TP73: variants seen among roughly 807,000 people sequenced by gnomAD.
The protein encoded by TP73 is tumor protein p73, also known as p53-like transcription factor.
In TP73, 25 loss-of-function variants were observed where a neutral mutation model predicts 62.5. That is an observed-to-expected ratio of 0.40 (90% CI 0.29 to 0.56). TP73 has a LOEUF of 0.56. Among genes scored for constraint, TP73 ranks in the 20% least tolerant of loss-of-function variants. The probability of loss-of-function intolerance (pLI) is 0.46; values close to 1 mark genes in which losing one functional copy is unlikely to be tolerated. For synonymous variants in TP73, 423 were observed against 377.5 expected (o/e 1.12, Z -1.40); for missense variants, 754 against 913.3 (o/e 0.83, Z 2.25).
At chr1:3,697,938 C>A in intron 3 of TP73, 1 of 242,782 alleles carries the variant, frequency 4.1e-6, no homozygotes, top group Non-Finnish European at 6.6e-6. Context: ...TCACCGAGGG[C>A]CATCGGAGGT....
At chr1:3,702,640 C>T (rs1449511313) in intron 3 of TP73, among the ~76,000 whole-genome samples, 2 of 152,202 alleles carry the variant, frequency 1.3e-5, no homozygotes, top group Non-Finnish European at 2.9e-5. Context: ...GGCCCTGGGG[C>T]CCCAGCAGGG....
chr1:3,734,013 C>A lies in TP73; in HGVS notation c.*934C>A. The A allele has an allele frequency of 6.6e-6, 1 of 150,632 alleles. No individual in the cohort carries two copies. The highest frequency in any genetic ancestry group is 6.6e-5 in the Admixed American group (1 of 15,090). 9.3% of individuals were successfully genotyped at this position (150,632 alleles called of 1,614,324 possible). A position where few individuals can be genotyped will look rare whatever the true frequency, so the allele number is the denominator to read the frequency against. ...CAGGCTGAGGAAGCTGAGTGAGAAG[C>A]CAGGTGGGCGGGACTTGTTCCCAGG... On this transcript the variant is annotated 3_prime_UTR_variant, in exon 14 of 14. Coordinates refer to ENST00000378295, the MANE Select transcript of TP73 (RefSeq NM_005427.4). The surrounding 1 kb of genome is among the most constrained non-coding windows in gnomAD (Gnocchi z 4.4).
chr1:3,731,422 C>A (rs202211619), intron 12 of TP73, 41 bp from the exon 13 acceptor site: 1 of 1,584,798 alleles, frequency 6.3e-7, no homozygotes, highest in Admixed American at 1.7e-5. Context: ...GCCCTGTGCT[C>A]GGAAGCTAAT....
intron 1 of TP73, among the ~76,000 whole-genome samples, chr1:3,671,662 C>G (rs1336950392): frequency 2.0e-5 from 3 of 152,246 alleles, no homozygotes; most frequent in African/African-American, 7.2e-5. Flanking sequence ...TGCTCGCCCT[C>G]TCGGGGCCTC....
At chr1:3,709,490 C>G (rs1175583061) in intron 4 of TP73, among the ~76,000 whole-genome samples, 2 of 152,248 alleles carry the variant, frequency 1.3e-5, no homozygotes. Flanking sequence ...CATGCGTTGT[C>G]TTAATTGTGG....
intron 13 of TP73, among the ~76,000 whole-genome samples, 191 bp from the exon 14 acceptor site, chr1:3,732,556 A>G (rs1394870569): frequency 2.0e-5 from 3 of 150,252 alleles, no homozygotes; most frequent in East Asian, 3.9e-4. Context: ...TAACACTCCC[A>G]GGTCAGGGCC....
chr1:3,682,238 C>A, intron 1 of TP73, 95 bp from the exon 2 acceptor site: 1 of 919,760 alleles, frequency 1.1e-6, no homozygotes, highest in Non-Finnish European at 1.5e-6. Flanking sequence ...ATGCCCCAGG[C>A]AGGCCCACTT....
At chr1:3,685,361 G>C (rs1029066896) in intron 3 of TP73, among the ~76,000 whole-genome samples, 1 of 152,174 alleles carries the variant, frequency 6.6e-6, no homozygotes, top group Non-Finnish European at 1.5e-5. Context: ...TGGGAGCCTC[G>C]AACCTCCGCA....
At chr1:3,658,914 C>T (rs1402996261) in intron 1 of TP73, 3 of 147,400 alleles carry the variant, frequency 2.0e-5, no homozygotes, top group East Asian at 2.0e-4. Context: ...TTTGGGGTGG[C>T]GTATTCTGGT....
At chr1:3,709,414 A>C (rs1639948847) in intron 4 of TP73, among the ~76,000 whole-genome samples, 3 of 152,166 alleles carry the variant, frequency 2.0e-5, no homozygotes, top group Non-Finnish European at 2.9e-5. Context: ...TGCACGATGG[A>C]GATAAGGATG....
intron 3 of TP73, among the ~76,000 whole-genome samples, chr1:3,706,678 G>C (rs1374987357): frequency 6.6e-6 from 1 of 152,078 alleles, no homozygotes; most frequent in African/African-American, 2.4e-5. Context: ...CTGAGACATC[G>C]AGGCCAGACC....
In TP73 at chr1:3,723,585, T is replaced by C. The variant is rs1641276000; in HGVS notation, c.732+116T>C. On this transcript the variant is annotated intron_variant, in intron 6 of 13. Coordinates refer to ENST00000378295, the MANE Select transcript of TP73 (RefSeq NM_005427.4). ...AGTTGGCTGATCTGCCTGCCTGTCC[T>C]GTCGGCATCTGTCCAGGGCTCCCTG... 7.2e-6 allele frequency: 5 copies of C among 692,944 alleles called. 1 individual carries two copies. Among genetic ancestry groups the C allele is most frequent in the Non-Finnish European group, 1.2e-5 (5 of 401,128 alleles). The allele number at this position is 692,944 out of a possible 1,614,324, so 42.9% of individuals were successfully genotyped here.
At chr1:3,654,105 G>A (rs557607526) in intron 1 of TP73, among the ~76,000 whole-genome samples, 7 of 152,296 alleles carry the variant, frequency 4.6e-5, no homozygotes, top group African/African-American at 1.7e-4. Flanking sequence ...ACCTGGGATG[G>A]AGAGGTTGCA....
chr1:3,702,585 G>A (rs1019405918), intron 3 of TP73, among the ~76,000 whole-genome samples: 53 of 152,314 alleles, frequency 3.5e-4, no homozygotes, highest in African/African-American at 1.3e-3. Context: ...GGGTGCGTGG[G>A]GGCTGCAGTA....
At chr1:3,714,357 G>C (rs1373801032) in intron 4 of TP73, 1 of 152,228 alleles carries the variant, frequency 6.6e-6, no homozygotes, top group Non-Finnish European at 1.5e-5. Context: ...ACTGACCCTG[G>C]GGCACCCTTC....
chr1:3,693,716 TCC>T (rs1638299586), intron 3 of TP73, among the ~76,000 whole-genome samples: 1 of 145,378 alleles, frequency 6.9e-6, no homozygotes, highest in African/African-American at 2.6e-5. Flanking sequence ...CCTTAGCCCC[TCC>T]TCCTGCAATC....
In TP73 at chr1:3,663,774, C is replaced by A. The variant is rs1013535580; in HGVS notation, c.-34+11133C>A. On this transcript the variant is annotated intron_variant, in intron 1 of 13. Coordinates refer to ENST00000378295, the MANE Select transcript of TP73 (RefSeq NM_005427.4). This position sits in a 1 kb window ranked among gnomAD's most constrained non-coding sequence, Gnocchi z 4.7. ...TGGGGCCAGGTCTGAAGGCTCTGATCTTCCTTTCTTCTGGGTCTAGGGCAC... is the reference window on the plus strand; with the variant it reads ...TGGGGCCAGGTCTGAAGGCTCTGATATTCCTTTCTTCTGGGTCTAGGGCAC... Among the ~76,000 whole-genome samples the A allele has an allele frequency of 6.6e-6, 1 of 152,058 alleles. No homozygotes were observed. The highest frequency in any genetic ancestry group is 2.4e-5 in the African/African-American group (1 of 41,406).
chr1:3,664,641 C>T (rs1462993308), intron 1 of TP73, among the ~76,000 whole-genome samples: 13 of 152,226 alleles, frequency 8.5e-5, no homozygotes, highest in African/African-American at 2.4e-4. Flanking sequence ...GGTGCCCACC[C>T]GCCAGACTGG....
At position 3,707,597 on chromosome 1, in the gene TP73, G is replaced by A. The variant is rs781452147; in HGVS notation, c.235G>A (p.Ala79Thr). ...SSTMDQMSSR[A>T]ASASPYTPEH... Reference sequence around the variant, plus strand: ...CACCATGGACCAGATGAGCAGCCGCGCGGCCTCGGCCAGCCCCTACACCCC... The same window carrying A: ...CACCATGGACCAGATGAGCAGCCGCACGGCCTCGGCCAGCCCCTACACCCC... Residue 79 changes from alanine (A) to threonine (T), a missense_variant, in exon 4 of 14, where the codon GCG becomes ACG. Coordinates refer to ENST00000378295, the MANE Select transcript of TP73 (RefSeq NM_005427.4). 1.2e-5 allele frequency: 19 copies of A among 1,612,370 alleles called. No individual in the cohort carries two copies. Among genetic ancestry groups the A allele is most frequent in the Admixed American group, 6.7e-5 (4 of 59,986 alleles).
Sources: allele counts gnomAD v4.1 joint callset (sites outside exome capture counted in the v4.1 genomes callset), GRCh38; gene constraint gnomAD v4.1.1; non-coding constraint Gnocchi (gnomAD v3.1); transcripts MANE v1.5; gene names NCBI Gene and HGNC (gene_info 2026-07-23, HGNC 2026-07-21).